PRKCA: variants seen among roughly 807,000 people sequenced by gnomAD.
PRKCA encodes the protein protein kinase C alpha type.
Under a neutral mutation model 87.0 loss-of-function variants are expected in PRKCA, and 27 were observed. That is an observed-to-expected ratio of 0.31 (90% CI 0.23 to 0.43). The LOEUF (loss-of-function observed/expected upper bound fraction) is 0.43. PRKCA is among the 20% of genes least tolerant of loss of function. The pLI is 1.00. For missense variants in PRKCA, 518 were observed against 852.3 expected, an observed-to-expected ratio of 0.61 and a Z score of 4.88; for synonymous variants, 329 against 311.1, an observed-to-expected ratio of 1.06 and a Z score of -0.61.
At chr17:66,318,603 C>G (rs1462261082) in intron 2 of PRKCA, among the ~76,000 whole-genome samples, 8 of 152,076 alleles carry the variant, frequency 5.3e-5, no homozygotes, top group Non-Finnish European at 1.2e-4. Context: ...GCCTATAATC[C>G]CAGCACTTTG....
intron 3 of PRKCA, among the ~76,000 whole-genome samples, chr17:66,499,708 T>G (rs758448924): frequency 6.6e-6 from 1 of 152,216 alleles, no homozygotes; most frequent in African/African-American, 2.4e-5. Flanking sequence ...AATCTTGTGT[T>G]GACTTTCTGT....
chr17:66,313,642 A>T (rs560683252), intron 2 of PRKCA, among the ~76,000 whole-genome samples: 23 of 152,318 alleles, frequency 1.5e-4, no homozygotes, highest in Admixed American at 6.5e-4. Flanking sequence ...CAGTTATTTA[A>T]ATGCTCTATT....
At chr17:66,486,936 C>T (rs1159462845) in intron 2 of PRKCA, among the ~76,000 whole-genome samples, 3 of 151,884 alleles carry the variant, frequency 2.0e-5, no homozygotes, top group Non-Finnish European at 4.4e-5. Flanking sequence ...CAGATGCACC[C>T]CCAAAATATG....
chr17:66,588,499 TG>T (rs1969688964), intron 3 of PRKCA, among the ~76,000 whole-genome samples: 1 of 152,168 alleles, frequency 6.6e-6, no homozygotes, highest in Admixed American at 6.5e-5. Flanking sequence ...TAGAAGCATC[TG>T]TAAAAGGGTC....
chr17:66,578,159 A>C (rs1271928734), intron 3 of PRKCA, among the ~76,000 whole-genome samples: 17 of 151,570 alleles, frequency 1.1e-4, no homozygotes, highest in African/African-American at 4.1e-4. Context: ...ACAAAACAAA[A>C]CAGCCCTCAT....
chr17:66,562,092 T>TATATATAATTAAATTATATATATAATTAA, intron 3 of PRKCA, among the ~76,000 whole-genome samples: 2 of 112,716 alleles, frequency 1.8e-5, no homozygotes, highest in East Asian at 3.0e-4. Flanking sequence ...TATAATTAAA[T>TATATATAATTAAATTATATATATAATTAA]ATATATAATT....
At chr17:66,474,477 T>C (rs1461848864) in intron 2 of PRKCA, among the ~76,000 whole-genome samples, 1 of 152,158 alleles carries the variant, frequency 6.6e-6, no homozygotes, top group African/African-American at 2.4e-5. Context: ...TAAGCTACAC[T>C]CTTGCAAAAT....
At chr17:66,722,153 GGTCT>G (rs1380902628) in intron 8 of PRKCA, among the ~76,000 whole-genome samples, 2 of 152,048 alleles carry the variant, frequency 1.3e-5, no homozygotes, top group Non-Finnish European at 2.9e-5. Context: ...CTATTTTTAT[GGTCT>G]GTCTGATTTT....
At chr17:66,460,075 A>G (rs1408863177) in intron 2 of PRKCA, among the ~76,000 whole-genome samples, 1 of 152,188 alleles carries the variant, frequency 6.6e-6, no homozygotes, top group Non-Finnish European at 1.5e-5. Flanking sequence ...CCTTGCCCAC[A>G]CAGCTTTTGA....
At chr17:66,446,028 G>T (rs970297430) in intron 2 of PRKCA, among the ~76,000 whole-genome samples, 4 of 152,024 alleles carry the variant, frequency 2.6e-5, no homozygotes, top group Non-Finnish European at 5.9e-5. Context: ...TGCCCAGGCT[G>T]GTCTCAAACT....
At chr17:66,760,467 A>G (rs1440837919) in intron 13 of PRKCA, among the ~76,000 whole-genome samples, 5 of 152,342 alleles carry the variant, frequency 3.3e-5, no homozygotes, top group Middle Eastern at 3.4e-3. Context: ...TCTAAAATCA[A>G]CCACCTAAGC....
At chr17:66,470,036 TA>T (rs1305519692) in intron 2 of PRKCA, among the ~76,000 whole-genome samples, 2 of 152,070 alleles carry the variant, frequency 1.3e-5, no homozygotes, top group African/African-American at 4.8e-5. Flanking sequence ...GCATGCTGTG[TA>T]CATTCACTAC....
At chr17:66,541,419 TC>T (rs1967983819) in intron 3 of PRKCA, among the ~76,000 whole-genome samples, 1 of 152,202 alleles carries the variant, frequency 6.6e-6, no homozygotes, top group Non-Finnish European at 1.5e-5. Context: ...ATTGTTTTTT[TC>T]CTCTGTTGCT....
chr17:66,395,839 G>C (rs1236044661), intron 2 of PRKCA, among the ~76,000 whole-genome samples: 4 of 152,258 alleles, frequency 2.6e-5, no homozygotes, highest in East Asian at 3.9e-4. Flanking sequence ...GTCTTTGAGA[G>C]AAGGCTTTGG....
At chr17:66,717,874 G>T (rs1973517441) in intron 8 of PRKCA, among the ~76,000 whole-genome samples, 1 of 152,198 alleles carries the variant, frequency 6.6e-6, no homozygotes. Flanking sequence ...TCATGCCTGT[G>T]ATTTGCTGGT....
chr17:66,394,946 A>C (rs2143654649), intron 2 of PRKCA, among the ~76,000 whole-genome samples: 1 of 152,320 alleles, frequency 6.6e-6, no homozygotes, highest in East Asian at 1.9e-4. Context: ...TTAGTTTATA[A>C]ATTACCCTGG....
chr17:66,754,075 A>T (rs1471441850), intron 13 of PRKCA, among the ~76,000 whole-genome samples: 1 of 151,988 alleles, frequency 6.6e-6, no homozygotes, highest in Non-Finnish European at 1.5e-5. Flanking sequence ...AGTCTTAGTT[A>T]TTCTTGTCCC....
At chr17:66,616,559 G>A (rs1232761898) in intron 3 of PRKCA, among the ~76,000 whole-genome samples, 4 of 152,188 alleles carry the variant, frequency 2.6e-5, no homozygotes, top group African/African-American at 9.6e-5. Context: ...AAGGCACGAG[G>A]GCAAGTTCCA....
chr17:66,703,280 T>C (rs1213392566), intron 8 of PRKCA: 1 of 152,188 alleles, frequency 6.6e-6, no homozygotes, highest in Non-Finnish European at 1.5e-5. Context: ...ATTTAAAAAT[T>C]TAAAATTTTT....
Sources: allele counts gnomAD v4.1 joint callset (sites outside exome capture counted in the v4.1 genomes callset), GRCh38; gene constraint gnomAD v4.1.1; transcripts MANE v1.5; gene names NCBI Gene and HGNC (gene_info 2026-07-23, HGNC 2026-07-21).